Variants in PAK1 observed in about 807,000 individuals in gnomAD.
PAK1 encodes the protein serine/threonine-protein kinase PAK 1.
In PAK1, 29 loss-of-function variants were observed where a neutral mutation model predicts 67.4. The observed-to-expected ratio is 0.43, with a 90% CI of 0.32 to 0.59. PAK1 has a LOEUF of 0.59. Among genes scored for constraint, PAK1 ranks in the 20% least tolerant of loss-of-function variants. PAK1 has a pLI of 0.07. For synonymous variants in PAK1, 223 were observed against 237.4 expected, an observed-to-expected ratio of 0.94 and a Z score of 0.56; for missense variants, 337 against 670.7, an observed-to-expected ratio of 0.50 and a Z score of 5.50.
intron 5 of PAK1, 95 bp downstream of exon 5, chr11:77,374,233 T>C: frequency 1.3e-6 from 1 of 758,944 alleles, no homozygotes; most frequent in Non-Finnish European, 2.3e-6. Flanking sequence ...GTGACTAATA[T>C]GAGTGCCTCC....
chr11:77,365,058 C>G (rs1287264189), intron 5 of PAK1, among the ~76,000 whole-genome samples: 1 of 151,800 alleles, frequency 6.6e-6, no homozygotes, highest in Admixed American at 6.6e-5. Context: ...ACCAGCCTGG[C>G]CAATATGGTG....
At chr11:77,382,687 G>T (rs1949985106) in intron 2 of PAK1, among the ~76,000 whole-genome samples, 1 of 152,074 alleles carries the variant, frequency 6.6e-6, no homozygotes, top group South Asian at 2.1e-4. Flanking sequence ...TTACTTAGTT[G>T]AAGAACACTC....
At position 77,358,889 on chromosome 11, in the gene PAK1, A is replaced by G. The variant is rs1221512006; in HGVS notation, c.597+9T>C. ...AATCACAAAACTGGCCAGGTCCCCA[A>G]AGACTCACAGATTTTGTGTGCTCTG... On this transcript the variant is annotated intron_variant, in intron 6 of 14. Transcript: ENST00000356341. 1 of 1,613,214 alleles carries G rather than the reference A, an allele frequency of 6.2e-7. No individual in the cohort carries two copies.
At chr11:77,327,118 G>A (rs930918202) in intron 14 of PAK1, among the ~76,000 whole-genome samples, 7 of 152,184 alleles carry the variant, frequency 4.6e-5, no homozygotes, top group Non-Finnish European at 1.0e-4. Context: ...AAGCCTCCAA[G>A]AAATATGGGA....
chr11:77,484,238 C>T, the PAK1 span, among the ~76,000 whole-genome samples: 1 of 149,474 alleles, frequency 6.7e-6, no homozygotes, highest in Non-Finnish European at 1.5e-5. Context: ...AAAAGGAAAG[C>T]TGAGAAGATG....
At chr11:77,417,240 T>C (rs976613284) in intron 1 of PAK1, among the ~76,000 whole-genome samples, 3 of 152,228 alleles carry the variant, frequency 2.0e-5, no homozygotes, top group Non-Finnish European at 2.9e-5. Flanking sequence ...GACTGAGATA[T>C]CCTTCAAGAC....
chr11:77,518,019 C>G, the PAK1 span, among the ~76,000 whole-genome samples: 6 of 152,172 alleles, frequency 3.9e-5, no homozygotes, highest in Non-Finnish European at 7.3e-5. Flanking sequence ...TGTGGCCTCT[C>G]TAGATTATTC....
chr11:77,493,583 A>G, the PAK1 span, among the ~76,000 whole-genome samples: 2 of 149,564 alleles, frequency 1.3e-5, no homozygotes, highest in Non-Finnish European at 3.0e-5. Flanking sequence ...GTCAGCCACC[A>G]TGCCTGGCCT....
chr11:77,516,681 C>G, the PAK1 span, among the ~76,000 whole-genome samples: 1 of 152,056 alleles, frequency 6.6e-6, no homozygotes, highest in East Asian at 1.9e-4. Context: ...CTAGTCAAGA[C>G]TTTCCCTAAT....
chr11:77,388,635 G>A (rs376194946), intron 2 of PAK1, among the ~76,000 whole-genome samples: 2 of 152,230 alleles, frequency 1.3e-5, no homozygotes, highest in South Asian at 2.1e-4. Flanking sequence ...TTACAGGCAT[G>A]AGCCACCGTG....
the PAK1 span, among the ~76,000 whole-genome samples, chr11:77,495,086 T>C: frequency 2.0e-5 from 3 of 151,662 alleles, no homozygotes; most frequent in East Asian, 5.8e-4. Flanking sequence ...CACTTGAACC[T>C]GGGAGGTGGA....
chr11:77,477,605 C>T (rs557632547), upstream of PAK1, among the ~76,000 whole-genome samples: 1 of 118,010 alleles, frequency 8.5e-6, no homozygotes, highest in East Asian at 2.7e-4. Flanking sequence ...ATTAGCCAGG[C>T]ATGTCAGCAC....
intron 2 of PAK1, among the ~76,000 whole-genome samples, chr11:77,387,837 C>T (rs1950639403): frequency 6.6e-6 from 1 of 152,186 alleles, no homozygotes; most frequent in Non-Finnish European, 1.5e-5. Context: ...GGTATAAATG[C>T]TCAAATACTA....
intron 1 of PAK1, among the ~76,000 whole-genome samples, chr11:77,421,883 G>C (rs752223201): frequency 2.6e-5 from 4 of 152,096 alleles, no homozygotes; most frequent in Non-Finnish European, 5.9e-5. Context: ...CAATCTCTGA[G>C]GTATTAACAT....
intron 1 of PAK1, among the ~76,000 whole-genome samples, chr11:77,404,143 G>A (rs1474896860): frequency 2.0e-5 from 3 of 152,030 alleles, no homozygotes; most frequent in Non-Finnish European, 4.4e-5. Context: ...CTAGTCTGTC[G>A]TATTCTATCA....
chr11:77,414,114 T>G (rs766018028), intron 1 of PAK1, among the ~76,000 whole-genome samples: 18 of 152,220 alleles, frequency 1.2e-4, no homozygotes, highest in Non-Finnish European at 1.9e-4. Context: ...AGGAGCAACG[T>G]CCTCCAGGGC....
Position 77,336,352 on chromosome 11 carries a change from G to A in PAK1, c.1217-70C>T. 4 of 1,198,802 alleles carry A rather than the reference G, an allele frequency of 3.3e-6. No homozygotes were observed. In the South Asian group the frequency reaches 5.8e-5, roughly 17 times the overall value. 74.3% of individuals were successfully genotyped at this position (1,198,802 alleles called of 1,614,324 possible). The stretch of plus-strand genomic sequence containing the variant: ...ACTCACTTCAGTAAGTGTTGACTGT[G>A]TACCTACACATAGGTGACAAGATCC... On this transcript the variant is annotated intron_variant, in intron 12 of 14. Coordinates refer to ENST00000356341, the MANE Select transcript of PAK1 (RefSeq NM_002576.5).
At chr11:77,489,346 G>A in the PAK1 span, among the ~76,000 whole-genome samples, 1 of 152,056 alleles carries the variant, frequency 6.6e-6, no homozygotes, top group Admixed American at 6.5e-5. Flanking sequence ...ATGTTAATGG[G>A]CTATAAGAAA....
chr11:77,528,218 G>A, the PAK1 span, among the ~76,000 whole-genome samples: 1 of 151,934 alleles, frequency 6.6e-6, no homozygotes, highest in Non-Finnish European at 1.5e-5. Context: ...AAGAACTTAA[G>A]AAAACATAGC....
Sources: gnomAD v4.1 joint callset for allele counts (sites outside exome capture counted in the v4.1 genomes callset) on GRCh38, gnomAD v4.1.1 for gene constraint, MANE v1.5 for transcripts, NCBI Gene and HGNC (gene_info 2026-07-23, HGNC 2026-07-21) for gene names.